Variants in GALNT2 observed in about 807,000 individuals in gnomAD.
GALNT2 encodes polypeptide N-acetylgalactosaminyltransferase 2, also known as UDP-GalNAc:polypeptide N-acetylgalactosaminyltransferase 2.
Under a neutral mutation model 81.4 loss-of-function variants are expected in GALNT2, and 31 were observed. That is an observed-to-expected ratio of 0.38 (90% CI 0.29 to 0.51). The LOEUF (loss-of-function observed/expected upper bound fraction) is 0.51, where lower values mean the gene tolerates loss of function less well. Ranked by LOEUF, GALNT2 falls within the 20% of genes least tolerant of loss-of-function variation. The probability of loss-of-function intolerance (pLI) is 0.87; values close to 1 mark genes in which losing one functional copy is unlikely to be tolerated. For synonymous variants in GALNT2, 303 were observed against 287.4 expected, an observed-to-expected ratio of 1.05 and a Z score of -0.55; for missense variants, 629 against 765.7, an observed-to-expected ratio of 0.82 and a Z score of 2.11.
intron 1 of GALNT2, among the ~76,000 whole-genome samples, chr1:230,130,972 T>C (rs1661349246): frequency 6.6e-6 from 1 of 152,140 alleles, no homozygotes. Context: ...GGAACCCCTC[T>C]TAGGAGCCTG....
chr1:230,243,612 G>C lies in GALNT2; in HGVS notation c.729+185G>C, dbSNP rs1007439596. Among the ~76,000 whole-genome samples the C allele has an allele frequency of 1.3e-4, 20 of 152,234 alleles. No homozygotes were observed. The highest frequency in any genetic ancestry group is 4.3e-4 in the African/African-American group (18 of 41,466). On this transcript the variant is annotated intron_variant, in intron 7 of 15. Coordinates refer to ENST00000366672, the MANE Select transcript of GALNT2 (RefSeq NM_004481.5). The surrounding 1 kb of genome is among the most constrained non-coding windows in gnomAD (Gnocchi z 4.2). ...GCCTTTGGGGCATTGTAGAAAGACTGTTTTACTGGCTGTAGGAATCCATCA... is the reference window on the plus strand; with the variant it reads ...GCCTTTGGGGCATTGTAGAAAGACTCTTTTACTGGCTGTAGGAATCCATCA...
chr1:230,197,094 A>G (rs1663718508), intron 2 of GALNT2, among the ~76,000 whole-genome samples: 1 of 152,046 alleles, frequency 6.6e-6, no homozygotes, highest in Admixed American at 6.5e-5. Context: ...CTTCAGAGCA[A>G]GCCTCTCTTC....
At chr1:230,110,145 C>T (rs1330581454) in intron 1 of GALNT2, among the ~76,000 whole-genome samples, 1 of 152,312 alleles carries the variant, frequency 6.6e-6, no homozygotes, top group East Asian at 1.9e-4. Context: ...AGTGTCCTTC[C>T]TTAAACTTAG....
chr1:230,114,068 G>A (rs765584850), intron 1 of GALNT2, among the ~76,000 whole-genome samples: 5 of 152,122 alleles, frequency 3.3e-5, no homozygotes, highest in Non-Finnish European at 7.4e-5. Flanking sequence ...AAGGAAAGCC[G>A]TTTTTGACGT....
At chr1:230,235,552 C>T (rs778281824) in intron 3 of GALNT2, among the ~76,000 whole-genome samples, 5 of 152,198 alleles carry the variant, frequency 3.3e-5, no homozygotes, top group African/African-American at 7.2e-5. Flanking sequence ...GTCTGCTGTT[C>T]GTGGTGAGAA....
At chr1:230,094,162 AATTTTTT>A (rs1372523751) in intron 1 of GALNT2, among the ~76,000 whole-genome samples, 1 of 123,782 alleles carries the variant, frequency 8.1e-6, no homozygotes, top group African/African-American at 3.3e-5. Flanking sequence ...CATGCTGGCT[AATTTTTT>A]TTTTTTTTTT....
chr1:230,236,111 A>C lies in GALNT2; in HGVS notation c.472A>C (p.Ser158Arg), dbSNP rs751888471. ...ARSALLRTVV[S>R]VLKKSPPHLI... ...GTCGGCCCTACTCAGGACCGTGGTCAGGTGAGGCCAGGAGATGCATTACCT... is the reference window on the plus strand; with the variant it reads ...GTCGGCCCTACTCAGGACCGTGGTCCGGTGAGGCCAGGAGATGCATTACCT... The change falls in exon 4 of 16, where the codon AGC becomes CGC. Residue 158 changes from serine (S) to arginine (R), a missense_variant and splice_region_variant. This residue lies in a region of GALNT2 where 360 missense variants were observed against 492.8 expected (regional missense o/e 0.73). Transcript: ENST00000366672. 6.2e-7 allele frequency: 1 copy of C among 1,613,864 alleles called. No individual in the cohort carries two copies. The highest frequency in any genetic ancestry group is 8.5e-7 in the Non-Finnish European group (1 of 1,179,820).
At chr1:230,174,087 G>A (rs1314303000) in intron 1 of GALNT2, among the ~76,000 whole-genome samples, 1 of 152,212 alleles carries the variant, frequency 6.6e-6, no homozygotes, top group Non-Finnish European at 1.5e-5. Flanking sequence ...AGTGCTAACT[G>A]AATGTATCAC....
At chr1:230,233,977 A>C (rs1664946113) in intron 3 of GALNT2, among the ~76,000 whole-genome samples, 3 of 152,188 alleles carry the variant, frequency 2.0e-5, no homozygotes, top group Admixed American at 2.0e-4. Context: ...GGGAGGTGGC[A>C]ACAAGTTATG....
In GALNT2 at chr1:230,236,427, A is replaced by G; in HGVS notation, c.541+7A>G. The G allele has an allele frequency of 6.2e-7, 1 of 1,613,502 alleles. No individual in the cohort carries two copies. Among genetic ancestry groups the G allele is most frequent in the Non-Finnish European group, 8.5e-7 (1 of 1,179,406 alleles). On this transcript the variant is annotated splice_region_variant and intron_variant, in intron 5 of 15. Transcript: ENST00000366672. Reference sequence around the variant, plus strand: ...GATGACTACAGCAATGATCGTGAGTACTGACACTGATTTTATCCCTGTGTC... The same window carrying G: ...GATGACTACAGCAATGATCGTGAGTGCTGACACTGATTTTATCCCTGTGTC...
At chr1:230,137,968 C>T (rs1661603980) in intron 1 of GALNT2, among the ~76,000 whole-genome samples, 2 of 152,204 alleles carry the variant, frequency 1.3e-5, no homozygotes, top group African/African-American at 2.4e-5. Flanking sequence ...AGTAGTGCTT[C>T]ATTCTAATCC....
chr1:230,212,032 G>A (rs1218773073), intron 3 of GALNT2, among the ~76,000 whole-genome samples: 1 of 152,122 alleles, frequency 6.6e-6, no homozygotes, highest in African/African-American at 2.4e-5. Context: ...ATATCCCGGG[G>A]CCTCATAAGG....
intron 1 of GALNT2, among the ~76,000 whole-genome samples, chr1:230,118,760 A>T (rs531024658): frequency 1.3e-5 from 2 of 151,806 alleles, no homozygotes; most frequent in Admixed American, 1.3e-4. Context: ...GCCCTGTAAG[A>T]TGCGGTTCAG....
At chr1:230,083,504 T>TG (rs904684980) in intron 1 of GALNT2, among the ~76,000 whole-genome samples, 12 of 148,972 alleles carry the variant, frequency 8.1e-5, no homozygotes, top group Admixed American at 4.0e-4. Flanking sequence ...ATGATGGAGC[T>TG]GGGGGGCCCA....
At chr1:230,233,977 A>G (rs1664946113) in intron 3 of GALNT2, among the ~76,000 whole-genome samples, 1 of 152,188 alleles carries the variant, frequency 6.6e-6, no homozygotes, top group Non-Finnish European at 1.5e-5. Context: ...GGGAGGTGGC[A>G]ACAAGTTATG....
At position 230,222,067 on chromosome 1, in the gene GALNT2, C is replaced by T. The variant is rs530919633; in HGVS notation, c.375-13947C>T. 7.9e-5 allele frequency among the ~76,000 whole-genome samples: 7 copies of T among 88,548 alleles called. 1 individual carries two copies. Among genetic ancestry groups the T allele is most frequent in the Non-Finnish European group, 1.3e-4 (6 of 47,264 alleles). 58.1% of individuals were successfully genotyped at this position (88,548 alleles called of 152,430 possible). ...TTTGAGACAGAGTCTTGCTCTGTCA[C>T]CCAGGCTGGAGTGCAGTGGTGCGAT... On this transcript the variant is annotated intron_variant, in intron 3 of 15. Coordinates refer to ENST00000366672, the MANE Select transcript of GALNT2 (RefSeq NM_004481.5).
At chr1:230,211,621 C>A (rs4846931) in intron 3 of GALNT2, among the ~76,000 whole-genome samples, 124,685 of 151,818 alleles carry the variant, frequency 0.82, 51,968 homozygotes, top group East Asian at 0.98. Context: ...TCTTAAAAAA[C>A]AATTACTCTA....
chr1:230,173,060 G>C (rs11122457), intron 1 of GALNT2, among the ~76,000 whole-genome samples: 19,197 of 152,138 alleles, frequency 0.13, 1,483 homozygotes, highest in East Asian at 0.26. Context: ...ATATTTTGAG[G>C]TTTTAGGATA....
Position 230,272,014 on chromosome 1 carries a change from T to C in GALNT2, c.1441-2431T>C, listed in dbSNP as rs79366101. 0.012 allele frequency among the ~76,000 whole-genome samples: 1,796 copies of C among 152,242 alleles called. 155 individuals are homozygous for C. The East Asian group carries it at 0.22, about 18-fold the overall frequency. On this transcript the variant is annotated intron_variant, in intron 14 of 15. Transcript: ENST00000366672. The stretch of plus-strand genomic sequence containing the variant: ...CAAGACACTCCCATCACCCAATAAA[T>C]TCCAAGGGAGTAGGAGCTGTTTGTT...
Sources: allele counts gnomAD v4.1 joint callset (sites outside exome capture counted in the v4.1 genomes callset), GRCh38; gene constraint gnomAD v4.1.1; regional missense constraint gnomAD v4.1.1; non-coding constraint Gnocchi (gnomAD v3.1); transcripts MANE v1.5; gene names NCBI Gene and HGNC (gene_info 2026-07-23, HGNC 2026-07-21).